Variants in ADGRL3 observed in about 807,000 individuals in gnomAD.
ADGRL3 encodes adhesion G protein-coupled receptor L3.
ADGRL3 carries 62 observed loss-of-function variants against 153.5 expected under a neutral mutation model. The observed-to-expected ratio is 0.40, with a 90% CI of 0.33 to 0.50. The LOEUF (loss-of-function observed/expected upper bound fraction) is 0.50, where lower values mean the gene tolerates loss of function less well. Ranked by LOEUF, ADGRL3 falls within the 20% of genes least tolerant of loss-of-function variation. The probability of loss-of-function intolerance (pLI) is 0.47; values close to 1 mark genes in which losing one functional copy is unlikely to be tolerated. For synonymous variants in ADGRL3, 710 were observed against 672.5 expected (o/e 1.06, Z -0.86); for missense variants, 1,641 against 1,859.4 (o/e 0.88, Z 2.16).
At chr4:61,784,094 C>T (rs2097249076) in intron 8 of ADGRL3, among the ~76,000 whole-genome samples, 1 of 152,064 alleles carries the variant, frequency 6.6e-6, no homozygotes, top group South Asian at 2.1e-4. Flanking sequence ...TTTTGACAAG[C>T]TTTGTCCTTG....
chr4:61,674,947 T>G (rs1361625654), intron 5 of ADGRL3, among the ~76,000 whole-genome samples: 1 of 152,004 alleles, frequency 6.6e-6, no homozygotes, highest in African/African-American at 2.4e-5. Flanking sequence ...TACATTTGTC[T>G]GATCATCAGC....
At chr4:61,508,212 C>T (rs998783304) in intron 3 of ADGRL3, among the ~76,000 whole-genome samples, 1 of 152,102 alleles carries the variant, frequency 6.6e-6, no homozygotes, top group Non-Finnish European at 1.5e-5. Context: ...ATTTACATCA[C>T]AGTATTACAA....
chr4:61,578,371 A>C (rs139815757), intron 4 of ADGRL3, among the ~76,000 whole-genome samples: 1 of 152,212 alleles, frequency 6.6e-6, no homozygotes, highest in East Asian at 1.9e-4. Context: ...ACACTTGATA[A>C]ATTTTAGCGA....
chr4:61,579,136 T>C (rs947373676), intron 4 of ADGRL3, among the ~76,000 whole-genome samples: 25 of 151,962 alleles, frequency 1.6e-4, no homozygotes, highest in Admixed American at 1.6e-3. Context: ...CTCCTAGACC[T>C]GAGATAATAC....
intron 4 of ADGRL3, among the ~76,000 whole-genome samples, chr4:61,561,707 A>C (rs1465042780): frequency 6.6e-6 from 1 of 152,156 alleles, no homozygotes; most frequent in East Asian, 1.9e-4. Flanking sequence ...TACCTCATAG[A>C]AATTTGTAAT....
intron 2 of ADGRL3, among the ~76,000 whole-genome samples, chr4:61,444,873 C>A (rs577841311): frequency 6.6e-6 from 1 of 151,886 alleles, no homozygotes; most frequent in South Asian, 2.1e-4. Flanking sequence ...GGCAACATGG[C>A]GAAACCTTGT....
intron 9 of ADGRL3, among the ~76,000 whole-genome samples, chr4:61,856,539 C>A (rs775542930): frequency 1.4e-5 from 2 of 140,774 alleles, no homozygotes; most frequent in African/African-American, 5.2e-5. Flanking sequence ...CTCTTTTCCT[C>A]CCTCCCTCTC....
At chr4:61,735,187 G>T (rs1167456141) in intron 8 of ADGRL3, among the ~76,000 whole-genome samples, 1 of 152,052 alleles carries the variant, frequency 6.6e-6, no homozygotes, top group Non-Finnish European at 1.5e-5. Flanking sequence ...ATATAATAAG[G>T]CTCAATCACT....
intron 17 of ADGRL3, among the ~76,000 whole-genome samples, chr4:61,977,091 T>A (rs147988182): frequency 6.5e-4 from 99 of 152,308 alleles, no homozygotes; most frequent in African/African-American, 2.1e-3. Context: ...TATTCTTCTC[T>A]TAGTAACTCT....
At chr4:61,253,162 A>G (rs2091623330) in intron 1 of ADGRL3, among the ~76,000 whole-genome samples, 1 of 152,178 alleles carries the variant, frequency 6.6e-6, no homozygotes, top group African/African-American at 2.4e-5. Context: ...GATTTAGAAA[A>G]TTGGTTGGAA....
chr4:61,720,386 C>G (rs1312957132), intron 6 of ADGRL3, among the ~76,000 whole-genome samples: 7 of 152,284 alleles, frequency 4.6e-5, no homozygotes, highest in African/African-American at 1.4e-4. Context: ...CCATGCCCGA[C>G]TAGAGTGACA....
rs1171921909 is a variant in ADGRL3, at chr4:61,693,244, ATTAT to A, written c.583+16317_583+16320del. 4.6e-5 allele frequency among the ~76,000 whole-genome samples: 7 copies of A among 152,090 alleles called. 1 individual carries two copies. In the South Asian group the frequency reaches 1.2e-3, roughly 27 times the overall value. On this transcript the variant is annotated intron_variant, in intron 6 of 26. Transcript: ENST00000683033. ...TATGCTTTAATTCACTATTATTACA[ATTAT>A]TTATTTAGTTTCCTATATAAAGTAA...
At chr4:61,584,196 A>G (rs929976839) in intron 4 of ADGRL3, among the ~76,000 whole-genome samples, 3 of 152,032 alleles carry the variant, frequency 2.0e-5, no homozygotes, top group African/African-American at 7.2e-5. Context: ...ATACATTCCC[A>G]TTAACAAATT....
chr4:61,483,700 G>T (rs978027431), intron 2 of ADGRL3, among the ~76,000 whole-genome samples: 16 of 151,998 alleles, frequency 1.1e-4, no homozygotes, highest in African/African-American at 3.9e-4. Context: ...TCATGCCACT[G>T]CACTCCAGCC....
intron 1 of ADGRL3, among the ~76,000 whole-genome samples, chr4:61,231,594 C>T (rs1258226746): frequency 6.6e-6 from 1 of 152,068 alleles, no homozygotes; most frequent in Non-Finnish European, 1.5e-5. Context: ...GTCATTGCCT[C>T]CCCCGGATCT....
intron 1 of ADGRL3, among the ~76,000 whole-genome samples, chr4:61,376,922 T>C (rs1334742877): frequency 1.3e-5 from 2 of 152,116 alleles, no homozygotes; most frequent in East Asian, 3.9e-4. Context: ...TAGCTTTTGA[T>C]ACTTGAGAAA....
chr4:61,947,064 A>T lies in ADGRL3; in HGVS notation c.2570A>T (p.Glu857Val). ...GTTATTACGGCAGCAATAAACAAAGAGTTCAGTAACAAGGTTTATTTGGCT... is the reference window on the plus strand; with the variant it reads ...GTTATTACGGCAGCAATAAACAAAGTGTTCAGTAACAAGGTTTATTTGGCT... ...SPVITAAINK[E>V]FSNKVYLADP... Residue 857 changes from glutamate (E) to valine (V), a missense_variant, in exon 16 of 27, where the codon GAG becomes GTG. By Grantham distance (121) the Glu-to-Val change is moderately radical (BLOSUM62 -2). Transcript: ENST00000683033. 1 of 1,613,902 alleles carries T rather than the reference A, an allele frequency of 6.2e-7. No homozygotes were observed. Among genetic ancestry groups the T allele is most frequent in the Non-Finnish European group, 8.5e-7 (1 of 1,179,822 alleles).
Position 61,467,477 on chromosome 4 carries a change from T to G in ADGRL3, c.-173-29644T>G, listed in dbSNP as rs548210207. 1.7e-4 allele frequency among the ~76,000 whole-genome samples: 25 copies of G among 150,832 alleles called. No individual in the cohort carries two copies. In the East Asian group the frequency reaches 2.5e-3, roughly 15 times the overall value. On this transcript the variant is annotated intron_variant, in intron 2 of 26. Transcript: ENST00000683033. ...AGTCTGATTGCATTTCAGATGTGGG[T>G]GTGTGTGTGTGTGAGAGAGAGAGAG...
intron 21 of ADGRL3, among the ~76,000 whole-genome samples, chr4:62,000,371 A>G (rs1025185283): frequency 7.2e-5 from 11 of 151,906 alleles, no homozygotes; most frequent in Non-Finnish European, 1.3e-4. Flanking sequence ...TAAAATATCA[A>G]TTTGTTTGTA....
Sources: allele counts gnomAD v4.1 joint callset (sites outside exome capture counted in the v4.1 genomes callset), GRCh38; gene constraint gnomAD v4.1.1; transcripts MANE v1.5; gene names NCBI Gene and HGNC (gene_info 2026-07-23, HGNC 2026-07-21).